Variants in HS3ST4 observed in about 807,000 individuals in gnomAD.
The protein encoded by HS3ST4 is heparan sulfate glucosamine 3-O-sulfotransferase 4.
A neutral mutation model predicts 29.2 loss-of-function variants in HS3ST4; 17 were observed. The observed-to-expected ratio is 0.58, with a 90% CI of 0.40 to 0.87. The LOEUF is 0.87. HS3ST4 is among the 40% of genes least tolerant of loss of function. HS3ST4 has a pLI of 0.00. For missense variants in HS3ST4, 627 were observed against 634.5 expected, an observed-to-expected ratio of 0.99 and a Z score of 0.13; for synonymous variants, 314 against 285.7, an observed-to-expected ratio of 1.10 and a Z score of -1.00.
chr16:26,040,552 G>A (rs190634717), intron 1 of HS3ST4, among the ~76,000 whole-genome samples: 133 of 151,922 alleles, frequency 8.8e-4, no homozygotes, highest in African/African-American at 3.0e-3. Flanking sequence ...TGATCCACCC[G>A]CCTCAGCCTC....
chr16:25,993,283 A>C (rs546452174), intron 1 of HS3ST4, among the ~76,000 whole-genome samples: 1 of 152,242 alleles, frequency 6.6e-6, no homozygotes, highest in African/African-American at 2.4e-5. Context: ...CTGGGCTGAG[A>C]GTATAGTAGG....
intron 1 of HS3ST4, among the ~76,000 whole-genome samples, chr16:25,823,151 C>T (rs1011303806): frequency 6.6e-6 from 1 of 152,130 alleles, no homozygotes. Context: ...GGAAAGATTC[C>T]CAGAAATATG....
intron 1 of HS3ST4, among the ~76,000 whole-genome samples, chr16:25,960,358 C>A (rs1968782904): frequency 6.6e-6 from 1 of 152,144 alleles, no homozygotes; most frequent in Non-Finnish European, 1.5e-5. Flanking sequence ...TTCTTTATAG[C>A]AACACAAAAT....
chr16:25,947,521 T>C (rs1232571944), intron 1 of HS3ST4, among the ~76,000 whole-genome samples: 2 of 151,300 alleles, frequency 1.3e-5, no homozygotes, highest in Non-Finnish European at 2.9e-5. Context: ...TATTCTGCAA[T>C]CCATGCGGTC....
intron 1 of HS3ST4, among the ~76,000 whole-genome samples, chr16:25,722,075 G>A (rs185428096): frequency 5.3e-5 from 8 of 152,328 alleles, no homozygotes; most frequent in South Asian, 2.1e-4. Flanking sequence ...TTGGCAGCGT[G>A]TAGCCCATTC....
At chr16:25,857,911 CCTTCCTTCCTTT>C (rs1282974318) in intron 1 of HS3ST4, among the ~76,000 whole-genome samples, 1,973 of 73,008 alleles carry the variant, frequency 0.027, 20 homozygotes, top group African/African-American at 0.039. Context: ...TTCCTTCCTT[CCTTCCTTCCTTT>C]CTTTCTTTCT....
At chr16:25,965,154 G>A (rs1464020645) in intron 1 of HS3ST4, among the ~76,000 whole-genome samples, 1 of 152,072 alleles carries the variant, frequency 6.6e-6, no homozygotes, top group Non-Finnish European at 1.5e-5. Context: ...GCGGGTGGGA[G>A]GATCCCTACC....
intron 1 of HS3ST4, among the ~76,000 whole-genome samples, chr16:25,800,786 T>C (rs1966925269): frequency 6.6e-6 from 1 of 152,054 alleles, no homozygotes; most frequent in African/African-American, 2.4e-5. Flanking sequence ...TGAATGGTAT[T>C]AGTGACCTTA....
intron 1 of HS3ST4, among the ~76,000 whole-genome samples, chr16:26,063,837 C>T (rs1898510182): frequency 6.6e-6 from 1 of 152,144 alleles, no homozygotes; most frequent in Non-Finnish European, 1.5e-5. Flanking sequence ...GCCGGGGACA[C>T]AGAATGTTGT....
chr16:25,825,891 G>A (rs1170361549), intron 1 of HS3ST4: 3 of 152,260 alleles, frequency 2.0e-5, no homozygotes, highest in African/African-American at 7.2e-5. Context: ...TCATGGAATA[G>A]TTGTGACAGG....
chr16:25,774,768 C>A (rs1966846063), intron 1 of HS3ST4, among the ~76,000 whole-genome samples: 1 of 152,238 alleles, frequency 6.6e-6, no homozygotes, highest in Non-Finnish European at 1.5e-5. Context: ...GCAGTACCTA[C>A]ATGATCTATT....
In HS3ST4 at chr16:25,899,531, A is replaced by T. The variant is rs145763398; in HGVS notation, c.734+206380A>T. Among the ~76,000 whole-genome samples, 856 of 151,980 alleles carry T rather than the reference A, an allele frequency of 5.6e-3. 11 individuals are homozygous for T. Among genetic ancestry groups the T allele is most frequent in the African/African-American group, 0.02 (815 of 41,446 alleles). ...TTTTTTTTTTTAATTTTTGAGACGG[A>T]GTCTCACTCTGTTGCCCAGGCTGGA... On this transcript the variant is annotated intron_variant, in intron 1 of 1. Transcript: ENST00000331351.
At chr16:26,074,852 T>G (rs1029395494) in intron 1 of HS3ST4, among the ~76,000 whole-genome samples, 5 of 152,130 alleles carry the variant, frequency 3.3e-5, no homozygotes, top group African/African-American at 1.2e-4. Flanking sequence ...GCTTTTCACT[T>G]TGGGGGGTGC....
At chr16:26,101,708 A>C (rs1898991831) in intron 1 of HS3ST4, among the ~76,000 whole-genome samples, 2 of 152,216 alleles carry the variant, frequency 1.3e-5, no homozygotes, top group Non-Finnish European at 2.9e-5. Context: ...GAATGAATAG[A>C]TGGATGGATG....
At chr16:26,012,554 A>G (rs1022677244) in intron 1 of HS3ST4, among the ~76,000 whole-genome samples, 1 of 152,224 alleles carries the variant, frequency 6.6e-6, no homozygotes. Flanking sequence ...TAATTTTTAC[A>G]CATCACAACC....
intron 1 of HS3ST4, among the ~76,000 whole-genome samples, chr16:26,069,605 G>A (rs1463273009): frequency 1.3e-5 from 2 of 151,352 alleles, no homozygotes; most frequent in East Asian, 3.9e-4. Context: ...TGTGCACAAC[G>A]TGCAGGTTTG....
intron 1 of HS3ST4, among the ~76,000 whole-genome samples, chr16:26,021,705 C>T (rs577796758): frequency 6.6e-6 from 1 of 152,108 alleles, no homozygotes; most frequent in South Asian, 2.1e-4. Context: ...AGTTCCGTCA[C>T]CAGGCTGGAG....
intron 1 of HS3ST4, among the ~76,000 whole-genome samples, chr16:25,815,640 A>G (rs1415640928): frequency 6.6e-6 from 1 of 152,178 alleles, no homozygotes; most frequent in Non-Finnish European, 1.5e-5. Flanking sequence ...TTATATTTTT[A>G]AAAGCAAGCA....
intron 1 of HS3ST4, among the ~76,000 whole-genome samples, chr16:25,940,913 G>A (rs1016662088): frequency 1.3e-5 from 2 of 152,100 alleles, no homozygotes; most frequent in Non-Finnish European, 2.9e-5. Flanking sequence ...TCCAACCAAT[G>A]GTTTTCTTTC....
Sources: gnomAD v4.1 joint callset for allele counts (sites outside exome capture counted in the v4.1 genomes callset) on GRCh38, gnomAD v4.1.1 for gene constraint, MANE v1.5 for transcripts, NCBI Gene and HGNC (gene_info 2026-07-23, HGNC 2026-07-21) for gene names.